ZNF609: variants seen among roughly 807,000 people sequenced by gnomAD.
ZNF609 encodes the protein zinc finger protein 609.
In ZNF609, 11 loss-of-function variants were observed where a neutral mutation model predicts 109.5. That is an observed-to-expected ratio of 0.10 (90% CI 0.06 to 0.17). ZNF609 has a LOEUF of 0.17. Among genes scored for constraint, ZNF609 ranks in the 10% least tolerant of loss-of-function variants. The pLI is 1.00. For missense variants in ZNF609, 1,559 were observed against 1,772.4 expected, an observed-to-expected ratio of 0.88 and a Z score of 2.16; for synonymous variants, 646 against 662.0, an observed-to-expected ratio of 0.98 and a Z score of 0.37.
At chr15:64,573,475 C>G (rs1894897348) in intron 2 of ZNF609, among the ~76,000 whole-genome samples, 1 of 150,288 alleles carries the variant, frequency 6.7e-6, no homozygotes, top group African/African-American at 2.4e-5. Context: ...CTGCCTCAGC[C>G]TCCCGAGTAG....
intron 2 of ZNF609, among the ~76,000 whole-genome samples, chr15:64,518,491 G>A (rs563873103): frequency 6.6e-6 from 1 of 152,318 alleles, no homozygotes; most frequent in South Asian, 2.1e-4. Context: ...CCTTGTTAAA[G>A]GATTTGGATT....
At chr15:64,568,725 CACTGAACATTT>C (rs1282779106) in intron 2 of ZNF609, among the ~76,000 whole-genome samples, 5 of 152,120 alleles carry the variant, frequency 3.3e-5, no homozygotes, top group Admixed American at 2.0e-4. Flanking sequence ...CCTTTTCTTT[CACTGAACATTT>C]ACTGAACATC....
chr15:64,496,811 TTTTC>T (rs995659496), intron 1 of ZNF609, among the ~76,000 whole-genome samples: 10 of 151,968 alleles, frequency 6.6e-5, no homozygotes, highest in African/African-American at 2.4e-4. Context: ...TCATTTCTTT[TTTTC>T]TTTCTTTTTT....
In ZNF609 at chr15:64,506,220, C is replaced by T. The variant is rs1019073704; in HGVS notation, c.747+6054C>T. ...CTGGAGTGCAGTGGTGCAGTCTCTG[C>T]TCATTGCAACCTCTGCCTTAACCTC... is the stretch of plus-strand genomic sequence containing the variant. On this transcript the variant is annotated intron_variant, in intron 2 of 9. Coordinates refer to ENST00000326648, the MANE Select transcript of ZNF609 (RefSeq NM_015042.2). Among the ~76,000 whole-genome samples, 4 of 151,078 alleles carry T rather than the reference C, an allele frequency of 2.6e-5. No individual in the cohort carries two copies. The South Asian group carries it at 8.3e-4, about 31-fold the overall frequency.
intron 2 of ZNF609, among the ~76,000 whole-genome samples, chr15:64,579,986 G>T (rs1895071577): frequency 6.6e-6 from 1 of 152,130 alleles, no homozygotes; most frequent in South Asian, 2.1e-4. Flanking sequence ...TACCTTACCT[G>T]GCAAAAGAGA....
At chr15:64,494,284 A>G (rs534515689) in intron 1 of ZNF609, among the ~76,000 whole-genome samples, 1 of 152,278 alleles carries the variant, frequency 6.6e-6, no homozygotes, top group East Asian at 1.9e-4. Flanking sequence ...GCATGTCTAG[A>G]CTAACCCTAC....
At chr15:64,547,828 T>C (rs1257691838) in intron 2 of ZNF609, among the ~76,000 whole-genome samples, 1 of 152,020 alleles carries the variant, frequency 6.6e-6, no homozygotes, top group East Asian at 1.9e-4. Flanking sequence ...AGCATGAAAA[T>C]ACTGATTTTT....
intron 2 of ZNF609, among the ~76,000 whole-genome samples, chr15:64,565,361 A>T (rs1894760526): frequency 6.6e-6 from 1 of 151,736 alleles, no homozygotes; most frequent in Non-Finnish European, 1.5e-5. Context: ...GATTATAGGC[A>T]TGAGCCACCA....
At chr15:64,587,434 A>T (rs1895216427) in intron 2 of ZNF609, among the ~76,000 whole-genome samples, 1 of 152,210 alleles carries the variant, frequency 6.6e-6, no homozygotes, top group Non-Finnish European at 1.5e-5. Flanking sequence ...TAAATCCTGA[A>T]GTAACTATTA....
intron 2 of ZNF609, among the ~76,000 whole-genome samples, chr15:64,579,126 C>T (rs144263327): frequency 3.5e-4 from 53 of 151,920 alleles, no homozygotes; most frequent in African/African-American, 1.3e-3. Flanking sequence ...TTTTTTGTTC[C>T]TCTTTCCCTC....
intron 2 of ZNF609, among the ~76,000 whole-genome samples, chr15:64,537,248 A>C (rs189217321): frequency 0.011 from 1,725 of 152,156 alleles, 38 homozygotes; most frequent in African/African-American, 0.039. Flanking sequence ...CTGTAATCCC[A>C]GCACTTTGGG....
At chr15:64,507,655 G>A (rs1403978474) in intron 2 of ZNF609, among the ~76,000 whole-genome samples, 1 of 152,190 alleles carries the variant, frequency 6.6e-6, no homozygotes, top group Non-Finnish European at 1.5e-5. Context: ...AAACCATGGG[G>A]TTAGGCTTTG....
chr15:64,637,104 A>G (rs2140987707), intron 3 of ZNF609, among the ~76,000 whole-genome samples: 1 of 152,326 alleles, frequency 6.6e-6, no homozygotes, highest in South Asian at 2.1e-4. Flanking sequence ...CTCATTGTTA[A>G]TACCATAGAT....
intron 3 of ZNF609, among the ~76,000 whole-genome samples, chr15:64,651,277 C>T (rs1015716538): frequency 6.6e-6 from 1 of 152,156 alleles, no homozygotes; most frequent in Admixed American, 6.6e-5. Context: ...TTCATATTTG[C>T]TTTGTATATG....
intron 2 of ZNF609, among the ~76,000 whole-genome samples, chr15:64,539,163 CTTATTTATTTATTTAT>C (rs753926623): frequency 4.9e-4 from 67 of 135,416 alleles, no homozygotes; most frequent in East Asian, 1.6e-3. Flanking sequence ...GCCACCATGC[CTTATTTATTTATTTAT>C]TTATTTATTT....
intron 2 of ZNF609, among the ~76,000 whole-genome samples, chr15:64,614,120 C>G (rs1015936172): frequency 2.6e-5 from 4 of 151,690 alleles, no homozygotes; most frequent in African/African-American, 9.7e-5. Flanking sequence ...GGGGTTTCAC[C>G]ATGTTGGCCG....
intron 3 of ZNF609, among the ~76,000 whole-genome samples, chr15:64,664,236 T>A (rs959906741): frequency 2.6e-5 from 4 of 151,742 alleles, no homozygotes; most frequent in African/African-American, 9.7e-5. Context: ...TCAAAAATAA[T>A]AATAATAATA....
At chr15:64,562,635 T>C (rs1468538513) in intron 2 of ZNF609, among the ~76,000 whole-genome samples, 1 of 152,106 alleles carries the variant, frequency 6.6e-6, no homozygotes, top group Admixed American at 6.6e-5. Flanking sequence ...TCAAGTTTAG[T>C]AGTGCTAGAC....
At chr15:64,571,426 G>A (rs371110494) in intron 2 of ZNF609, among the ~76,000 whole-genome samples, 2 of 152,046 alleles carry the variant, frequency 1.3e-5, no homozygotes, top group East Asian at 3.8e-4. Context: ...AATGCCTGGT[G>A]CATGGTAAAA....
Sources: allele counts gnomAD v4.1 joint callset (sites outside exome capture counted in the v4.1 genomes callset), GRCh38; gene constraint gnomAD v4.1.1; transcripts MANE v1.5; gene names NCBI Gene and HGNC (gene_info 2026-07-23, HGNC 2026-07-21).